NOTCH4: variants seen among roughly 807,000 people sequenced by gnomAD.
NOTCH4 encodes the protein neurogenic locus notch homolog protein 4.
Under a neutral mutation model 189.0 loss-of-function variants are expected in NOTCH4, and 138 were observed. That is an observed-to-expected ratio of 0.73 (90% CI 0.64 to 0.84). The LOEUF is 0.84. Among genes scored for constraint, NOTCH4 ranks in the 40% least tolerant of loss-of-function variants. The pLI is 0.00. For missense variants in NOTCH4, 2,286 were observed against 2,605.4 expected, an observed-to-expected ratio of 0.88 and a Z score of 2.67; for synonymous variants, 942 against 1,032.8, an observed-to-expected ratio of 0.91 and a Z score of 1.69.
At chr6:32,219,517 T>G in intron 8 of NOTCH4, 75 bp downstream of exon 8, 1 of 1,355,834 alleles carries the variant, frequency 7.4e-7, no homozygotes, top group Non-Finnish European at 1.0e-6. Flanking sequence ...CTGTCCTTAC[T>G]CTGGAGGGGG....
intron 12 of NOTCH4, among the ~76,000 whole-genome samples, 161 bp from the exon 13 acceptor site, chr6:32,214,416 A>T (rs1461897250): frequency 6.8e-6 from 1 of 147,402 alleles, no homozygotes; most frequent in African/African-American, 2.5e-5. Context: ...CCTCCCCAAC[A>T]CCTGCTCATT....
In NOTCH4 at chr6:32,210,974, TG is replaced by T; in HGVS notation, c.2681-39del. The stretch of plus-strand genomic sequence containing the variant: ...ACAAACAGGGATATACAAAGATAAG[TG>T]GGGGGCCGGGCGCCATGGCTTACGC... On this transcript the variant is annotated intron_variant, in intron 17 of 29. Coordinates refer to ENST00000375023, the MANE Select transcript of NOTCH4 (RefSeq NM_004557.4). The surrounding 1 kb of genome is among the most constrained non-coding windows in gnomAD (Gnocchi z 4.8). 1 of 1,528,756 alleles carries T rather than the reference TG, an allele frequency of 6.5e-7. No homozygotes were observed. Among genetic ancestry groups the T allele is most frequent in the Non-Finnish European group, 8.8e-7 (1 of 1,138,968 alleles). 94.7% of individuals were successfully genotyped at this position (1,528,756 alleles called of 1,614,324 possible).
intron 18 of NOTCH4, among the ~76,000 whole-genome samples, chr6:32,206,420 AAAAG>A (rs1383449608): frequency 1.3e-5 from 2 of 152,116 alleles, no homozygotes; most frequent in African/African-American, 4.8e-5. Context: ...AACAATCAGA[AAAAG>A]AAATCAAGAA....
Position 32,202,385 on chromosome 6 carries a change from G to A in NOTCH4, c.3446C>T (p.Thr1149Ile). ...AAAGCCTGGGCCCCCCAAGCCCGTG[G>A]TCTCTGAGCAGCTGCCATTGTATAG... ...PCLYNGSCSE[T>I]TGLGGPGFRC... The change falls in exon 21 of 30, where the codon ACC becomes ATC. Residue 1149 changes from threonine to isoleucine, a missense_variant. Physicochemically the swap from Thr to Ile is moderately conservative, Grantham distance 89. This residue lies in a region of NOTCH4 where 1,903 missense variants were observed against 2,261.9 expected (regional missense o/e 0.84). Coordinates refer to ENST00000375023, the MANE Select transcript of NOTCH4 (RefSeq NM_004557.4). The surrounding 1 kb of genome is among the most constrained non-coding windows in gnomAD (Gnocchi z 5.7). 1 of 1,612,750 alleles carries A rather than the reference G, an allele frequency of 6.2e-7. No individual in the cohort carries two copies. The highest frequency in any genetic ancestry group is 8.5e-7 in the Non-Finnish European group (1 of 1,179,944).
rs1035530038 is a variant in NOTCH4, at chr6:32,202,497, GT to G, written c.3333del (p.Pro1112HisfsTer15). ...LCLPSPKPGF[P>X]PRCACLSGYG... The stretch of plus-strand genomic sequence containing the variant: ...TAGCCACTGAGGCAGGCACAGCGTG[GT>G]GGGAAGCCTGGCTTAGGGGAGGGCA... On this transcript the variant is annotated frameshift_variant, in exon 21 of 30. Transcript: ENST00000375023. LOFTEE classifies it high-confidence loss of function. This position sits in a 1 kb window ranked among gnomAD's most constrained non-coding sequence, Gnocchi z 5.7. The G allele has an allele frequency of 1.9e-6, 3 of 1,612,622 alleles. No individual in the cohort carries two copies. The highest frequency in any genetic ancestry group is 1.7e-5 in the Admixed American group (1 of 60,002).
rs764742130 is a variant in NOTCH4, at chr6:32,196,010, C to T, written c.5439G>A (p.Trp1813Ter). The change falls in exon 30 of 30, where the codon TGG becomes TGA. Residue 1813 changes from tryptophan to a stop codon, truncating the protein, a stop_gained. Transcript: ENST00000375023. LOFTEE classifies it low-confidence loss of function (END_TRUNC). ...PADVAHQRNH[W>*]DLLTLLEGAG... ...CCCCTTCCAGCAGCGTCAGCAGATC[C>T]CAGTGGTTACGTTGGTGAGCGACGT... The T allele has an allele frequency of 6.3e-7, 1 of 1,599,480 alleles. No individual in the cohort carries two copies. The highest frequency in any genetic ancestry group is 8.5e-7 in the Non-Finnish European group (1 of 1,179,028).
rs1034342542 is a variant in NOTCH4 at position 32,198,041 on chromosome 6, T to A, written c.4756+380A>T. Among the ~76,000 whole-genome samples the A allele has an allele frequency of 4.6e-5, 7 of 151,798 alleles. No homozygotes were observed. The highest frequency in any genetic ancestry group is 1.2e-4 in the African/African-American group (5 of 41,318). ...TTTCACTGTGTTAGCCAGGATGGTC[T>A]CGATCTCCTGACCTTGTGATCCACC... On this transcript the variant is annotated intron_variant, in intron 26 of 29. Coordinates refer to ENST00000375023, the MANE Select transcript of NOTCH4 (RefSeq NM_004557.4). The surrounding 1 kb of genome is among the most constrained non-coding windows in gnomAD (Gnocchi z 5.5).
In NOTCH4 at chr6:32,212,888, C is replaced by A; in HGVS notation, c.2462G>T (p.Cys821Phe). The A allele has an allele frequency of 6.4e-7, 1 of 1,558,172 alleles. No individual in the cohort carries two copies. Among genetic ancestry groups the A allele is most frequent in the Non-Finnish European group, 8.7e-7 (1 of 1,150,562 alleles). ...GCGGGGACCCTGAGGGCTGTCCTGG[C>A]AGGTTGCCCTATTCCTACAGGGGCT... Reference protein sequence around the residue: ...ADSPCRNRATCQDSPQGPRCL... With the variant: ...ADSPCRNRATFQDSPQGPRCL... The change falls in exon 16 of 30, where the codon TGC becomes TTC. Residue 821 changes from cysteine (C) to phenylalanine (F), a missense_variant. By Grantham distance (205) the Cys-to-Phe change is radical. Around this residue, in one of 2 missense-constraint regions of NOTCH4, gnomAD observed 1,903 missense variants for 2,261.9 expected, o/e 0.84. Coordinates refer to ENST00000375023, the MANE Select transcript of NOTCH4 (RefSeq NM_004557.4). This position sits in a 1 kb window ranked among gnomAD's most constrained non-coding sequence, Gnocchi z 4.4.
rs766722257 is a variant in NOTCH4, at chr6:32,202,577, C to T, written c.3254G>A (p.Ser1085Asn). 2.1e-5 allele frequency: 33 copies of T among 1,593,810 alleles called. 1 individual carries two copies. The South Asian group carries it at 3.0e-4, about 14-fold the overall frequency. The part of the protein sequence containing the change: ...CPKGFEGPTC[S>N]HRAPSCGFHH... ...GAAGCCGCAGGAAGGGGCCCTGTGG[C>T]TGCAGGTGGGGCCTTCAAAACCCTG... Residue 1085 changes from serine (S) to asparagine (N), a missense_variant, in exon 21 of 30, where the codon AGC becomes AAC. Ser to Asn is a conservative substitution (Grantham distance 46, BLOSUM62 1). Around this residue, in one of 2 missense-constraint regions of NOTCH4, gnomAD observed 1,903 missense variants for 2,261.9 expected, o/e 0.84. Transcript: ENST00000375023. The surrounding 1 kb of genome is among the most constrained non-coding windows in gnomAD (Gnocchi z 5.7).
rs201605780 is a variant in NOTCH4, at chr6:32,198,589, T to C, written c.4618-30A>G. On this transcript the variant is annotated intron_variant, in intron 25 of 29. Transcript: ENST00000375023. This position sits in a 1 kb window ranked among gnomAD's most constrained non-coding sequence, Gnocchi z 5.5. ...GGGTAACAGCAAGGATCAGTGAAGG[T>C]TGATTTGCCCTTTCATCCCTTCCAT... The C allele has an allele frequency of 2.1e-4, 333 of 1,611,398 alleles. No homozygotes were observed. The highest frequency in any genetic ancestry group is 1.0e-3 in the South Asian group (95 of 90,958).
chr6:32,201,122 A>C lies in NOTCH4; in HGVS notation c.4134T>G (p.Ser1378Arg). Residue 1378 changes from serine (S) to arginine (R), a missense_variant, in exon 22 of 30, where the codon AGT (serine) becomes AGG (arginine). By Grantham distance (110) the Ser-to-Arg change is moderately radical (BLOSUM62 -1). Coordinates refer to ENST00000375023, the MANE Select transcript of NOTCH4 (RefSeq NM_004557.4). The surrounding 1 kb of genome is among the most constrained non-coding windows in gnomAD (Gnocchi z 5.5). ...CCCTCCACCTAGCTTCTTACCCAGC[A>C]CTGAGGGAGTCGGTCTCCTTGCCCA... is the stretch of plus-strand genomic sequence containing the variant. The part of the protein sequence containing the change: ...QPLGKETDSL[S>R]AGFVVVMGVD... 2 of 1,609,554 alleles carry C rather than the reference A, an allele frequency of 1.2e-6. No individual in the cohort carries two copies.
chr6:32,222,087 G>A (rs1038107237), intron 3 of NOTCH4, among the ~76,000 whole-genome samples: 1 of 151,932 alleles, frequency 6.6e-6, no homozygotes, highest in Non-Finnish European at 1.5e-5. Context: ...TCCCTTCCCG[G>A]TGCCCCTCCC....
chr6:32,195,756 C>A lies in NOTCH4; in HGVS notation c.5693G>T (p.Arg1898Leu). The change falls in exon 30 of 30, where the codon CGG (arginine) becomes CTG (leucine). Residue 1898 changes from arginine (R) to leucine (L), a missense_variant. By Grantham distance (102) the Arg-to-Leu change is moderately radical. Around this residue, in one of 2 missense-constraint regions of NOTCH4, gnomAD observed 383 missense variants for 343.5 expected, o/e 1.11. Transcript: ENST00000375023. This position sits in a 1 kb window ranked among gnomAD's most constrained non-coding sequence, Gnocchi z 5.4. ...TCCTGCTCCTACTCCCGAGAGGCTC[C>A]GGCAATGAGAATAGGCCCCGCCCCC... is the stretch of plus-strand genomic sequence containing the variant. ...ARGGGAYSHCRSLSGVGAGGG... is the reference protein window; with the variant it reads ...ARGGGAYSHCLSLSGVGAGGG... 6.2e-7 allele frequency: 1 copy of A among 1,611,760 alleles called. No homozygotes were observed. Among genetic ancestry groups the A allele is most frequent in the Non-Finnish European group, 8.5e-7 (1 of 1,179,854 alleles).
In NOTCH4 at chr6:32,222,503, G is replaced by T; in HGVS notation, c.451+8C>A. The T allele has an allele frequency of 6.6e-7, 1 of 1,518,702 alleles. No homozygotes were observed. Among genetic ancestry groups the T allele is most frequent in the Non-Finnish European group, 8.8e-7 (1 of 1,138,702 alleles). 94.1% of individuals were successfully genotyped at this position (1,518,702 alleles called of 1,614,324 possible). A position where few individuals can be genotyped will look rare whatever the true frequency, so the allele number is the denominator to read the frequency against. ...TGTCCCCTCCTGGCTGCCCCCAGCA[G>T]CGCTTACCTGTCCATCCAGGCATGC... On this transcript the variant is annotated splice_region_variant and intron_variant, in intron 3 of 29. Transcript: ENST00000375023.
rs1457042103 is a variant in NOTCH4, at chr6:32,210,669, T to C, written c.2865+83A>G. 5.2e-6 allele frequency: 7 copies of C among 1,352,160 alleles called. No homozygotes were observed. The highest frequency in any genetic ancestry group is 1.2e-5 in the South Asian group (1 of 83,408). 83.8% of individuals were successfully genotyped at this position (1,352,160 alleles called of 1,614,324 possible). The stretch of plus-strand genomic sequence containing the variant: ...AATAAAAGGAGGTGAAATGGATACA[T>C]TGGGTCTTCCCTCAGTCACTACTGT... On this transcript the variant is annotated intron_variant, in intron 18 of 29. Coordinates refer to ENST00000375023, the MANE Select transcript of NOTCH4 (RefSeq NM_004557.4). This position sits in a 1 kb window ranked among gnomAD's most constrained non-coding sequence, Gnocchi z 4.8.
rs1789762807 is a variant in NOTCH4, at chr6:32,221,267, C to T, written c.510G>A (p.Val170=). 2 of 1,613,054 alleles carry T rather than the reference C, an allele frequency of 1.2e-6. No individual in the cohort carries two copies. The highest frequency in any genetic ancestry group is 1.1e-5 in the South Asian group (1 of 91,084). The part of the protein sequence containing the change: ...CSANPCVNGG[V]CLATYPQIQC... ...GGATCTGGGGGTATGTGGCCAGACACACCCCTCCATTAACACATGGGTTGG... is the reference window on the plus strand; with the variant it reads ...GGATCTGGGGGTATGTGGCCAGACATACCCCTCCATTAACACATGGGTTGG... Residue 170 remains valine (V), a synonymous_variant, in exon 4 of 30, where the codon GTG becomes GTA. Coordinates refer to ENST00000375023, the MANE Select transcript of NOTCH4 (RefSeq NM_004557.4). This position sits in a 1 kb window ranked among gnomAD's most constrained non-coding sequence, Gnocchi z 4.3.
At chr6:32,218,177 C>A in intron 8 of NOTCH4, 69 bp from the exon 9 acceptor site, 1 of 1,030,192 alleles carries the variant, frequency 9.7e-7, no homozygotes. Context: ...GTTCTAGAAT[C>A]GGCCCTGCTC....
Position 32,198,754 on chromosome 6 carries a change from G to A in NOTCH4, c.4536-24C>T. The A allele has an allele frequency of 1.3e-6, 2 of 1,591,224 alleles. No individual in the cohort carries two copies. The highest frequency in any genetic ancestry group is 1.1e-5 in the South Asian group (1 of 87,192). The stretch of plus-strand genomic sequence containing the variant: ...CCCTGGAAAGGAATGGGTGGGTAGA[G>A]GTTACACGGAATTATGACCATCAGG... On this transcript the variant is annotated intron_variant, in intron 24 of 29. Transcript: ENST00000375023. The surrounding 1 kb of genome is among the most constrained non-coding windows in gnomAD (Gnocchi z 5.5).
chr6:32,198,068 G>A lies in NOTCH4; in HGVS notation c.4756+353C>T, dbSNP rs561715843. ...GATCTCCTGACCTTGTGATCCACCC[G>A]CCTTGGCCTCCCAAAGTGCTGGGAT... On this transcript the variant is annotated intron_variant, in intron 26 of 29. Coordinates refer to ENST00000375023, the MANE Select transcript of NOTCH4 (RefSeq NM_004557.4). This position sits in a 1 kb window ranked among gnomAD's most constrained non-coding sequence, Gnocchi z 5.5. Among the ~76,000 whole-genome samples, 4 of 152,270 alleles carry A rather than the reference G, an allele frequency of 2.6e-5. No individual in the cohort carries two copies. Among genetic ancestry groups the A allele is most frequent in the African/African-American group, 7.2e-5 (3 of 41,552 alleles).
Sources: allele counts gnomAD v4.1 joint callset (sites outside exome capture counted in the v4.1 genomes callset), GRCh38; gene constraint gnomAD v4.1.1; regional missense constraint gnomAD v4.1.1; non-coding constraint Gnocchi (gnomAD v3.1); transcripts MANE v1.5; gene names NCBI Gene and HGNC (gene_info 2026-07-23, HGNC 2026-07-21).